The following AGBL4 variants were observed in gnomAD, a reference collection of about 807,000 sequenced individuals.
AGBL4 encodes the protein cytosolic carboxypeptidase 6.
Under a neutral mutation model 66.4 loss-of-function variants are expected in AGBL4, and 58 were observed. That is an observed-to-expected ratio of 0.87 (90% CI 0.71 to 1.09). The LOEUF (loss-of-function observed/expected upper bound fraction) is 1.09, where lower values mean the gene tolerates loss of function less well. Among genes scored for constraint, AGBL4 ranks in the 50% least tolerant of loss-of-function variants. AGBL4 has a pLI of 0.00. For synonymous variants in AGBL4, 234 were observed against 222.9 expected, an observed-to-expected ratio of 1.05 and a Z score of -0.44; for missense variants, 579 against 631.0, an observed-to-expected ratio of 0.92 and a Z score of 0.88.
chr1:49,219,584 G>A (rs1202874699), intron 4 of AGBL4, among the ~76,000 whole-genome samples: 3 of 152,118 alleles, frequency 2.0e-5, no homozygotes, highest in African/African-American at 4.8e-5. Flanking sequence ...GTAGGCAAAG[G>A]ATTCAATACA....
chr1:49,388,572 T>G (rs1202788447), intron 3 of AGBL4, among the ~76,000 whole-genome samples: 2 of 152,152 alleles, frequency 1.3e-5, no homozygotes, highest in Non-Finnish European at 2.9e-5. Context: ...GATCCAGCAC[T>G]CAATACTTCA....
intron 6 of AGBL4, among the ~76,000 whole-genome samples, chr1:48,717,589 ACTTTTTCT>A (rs1442685784): frequency 6.6e-6 from 1 of 151,992 alleles, no homozygotes; most frequent in East Asian, 1.9e-4. Context: ...CCACTTTTCC[ACTTTTTCT>A]ACCATCCTGC....
At chr1:49,164,163 G>C (rs1378224597) in intron 4 of AGBL4, among the ~76,000 whole-genome samples, 1 of 152,100 alleles carries the variant, frequency 6.6e-6, no homozygotes, top group Non-Finnish European at 1.5e-5. Flanking sequence ...ATTATACCTG[G>C]ATGTAAGGGT....
rs748414755 is a variant in AGBL4 at position 49,372,986 on chromosome 1, G to A, written c.283-127122C>T. Among the ~76,000 whole-genome samples, 8 of 151,806 alleles carry A rather than the reference G, an allele frequency of 5.3e-5. No homozygotes were observed. The East Asian group carries it at 7.8e-4, about 15-fold the overall frequency. The stretch of plus-strand genomic sequence containing the variant: ...GTTGCCTAGGCTGGTTTTGAACTCC[G>A]GGGCTCAAGTGATCCTCCTGGGTCA... On this transcript the variant is annotated intron_variant, in intron 3 of 13. Transcript: ENST00000371839.
chr1:49,883,392 A>G (rs1647637595), intron 1 of AGBL4, among the ~76,000 whole-genome samples: 2 of 152,076 alleles, frequency 1.3e-5, no homozygotes, highest in African/African-American at 4.8e-5. Context: ...AGCAAAGATA[A>G]TTATTGCTTC....
At chr1:49,257,213 G>A (rs1352187522) in intron 3 of AGBL4, among the ~76,000 whole-genome samples, 1 of 152,198 alleles carries the variant, frequency 6.6e-6, no homozygotes, top group African/African-American at 2.4e-5. Context: ...GTCAGACAGG[G>A]ACATTTAAGT....
At chr1:48,862,504 G>A (rs1198910579) in intron 6 of AGBL4, among the ~76,000 whole-genome samples, 2 of 151,928 alleles carry the variant, frequency 1.3e-5, no homozygotes, top group Non-Finnish European at 2.9e-5. Flanking sequence ...TGTATTTTTA[G>A]TAGAGACAGG....
intron 2 of AGBL4, among the ~76,000 whole-genome samples, chr1:49,797,857 G>T (rs551831023): frequency 6.6e-6 from 1 of 151,476 alleles, no homozygotes; most frequent in Non-Finnish European, 1.5e-5. Context: ...TCCGCCTCCC[G>T]CGTTCAAGCG....
intron 3 of AGBL4, among the ~76,000 whole-genome samples, chr1:49,491,001 TAA>T (rs1426937858): frequency 6.6e-6 from 1 of 151,686 alleles, no homozygotes; most frequent in Non-Finnish European, 1.5e-5. Flanking sequence ...TAGAGATAGG[TAA>T]AGTTTAATTA....
At chr1:49,676,362 T>G (rs545651147) in intron 3 of AGBL4, among the ~76,000 whole-genome samples, 1 of 152,056 alleles carries the variant, frequency 6.6e-6, no homozygotes, top group Non-Finnish European at 1.5e-5. Context: ...GGTAATTTCA[T>G]GAGGGAATAT....
intron 5 of AGBL4, among the ~76,000 whole-genome samples, chr1:48,890,794 G>A (rs1417209072): frequency 6.6e-6 from 1 of 152,192 alleles, no homozygotes; most frequent in Non-Finnish European, 1.5e-5. Flanking sequence ...ATGGATACTT[G>A]CAGTCTGGCA....
chr1:48,522,579 G>A, the AGBL4 span, among the ~76,000 whole-genome samples: 1 of 152,104 alleles, frequency 6.6e-6, no homozygotes, highest in African/African-American at 2.4e-5. Context: ...GCTCCATGGT[G>A]CCTACTGCAC....
At chr1:49,777,999 G>C (rs957358093) in intron 2 of AGBL4, among the ~76,000 whole-genome samples, 1 of 152,102 alleles carries the variant, frequency 6.6e-6, no homozygotes, top group Non-Finnish European at 1.5e-5. Flanking sequence ...TCTCTCCCCA[G>C]CTCTCATCTA....
intron 1 of AGBL4, among the ~76,000 whole-genome samples, chr1:49,966,402 A>T (rs1657568043): frequency 6.6e-6 from 1 of 152,216 alleles, no homozygotes. Context: ...TTCAAAAATG[A>T]ACATTTTAAT....
chr1:48,689,622 T>C (rs555377132), intron 6 of AGBL4, among the ~76,000 whole-genome samples: 1 of 152,312 alleles, frequency 6.6e-6, no homozygotes, highest in African/African-American at 2.4e-5. Context: ...AATGGGTATA[T>C]CTGCCCATTA....
intron 6 of AGBL4, among the ~76,000 whole-genome samples, chr1:48,795,445 T>C (rs1162143134): frequency 6.6e-6 from 1 of 152,184 alleles, no homozygotes; most frequent in Non-Finnish European, 1.5e-5. Context: ...TCTTTAACTT[T>C]TTATTTTTAG....
chr1:49,123,047 G>T (rs1283404156), intron 4 of AGBL4, among the ~76,000 whole-genome samples: 1 of 152,026 alleles, frequency 6.6e-6, no homozygotes, highest in Non-Finnish European at 1.5e-5. Context: ...TAGAGATAGG[G>T]TTTCACTATG....
At chr1:49,046,126 A>G (rs1644074086) in intron 4 of AGBL4, among the ~76,000 whole-genome samples, 1 of 152,220 alleles carries the variant, frequency 6.6e-6, no homozygotes, top group Non-Finnish European at 1.5e-5. Context: ...ATGTACAATA[A>G]TAAATAAGAC....
At chr1:49,128,142 T>C (rs1005266526) in intron 4 of AGBL4, among the ~76,000 whole-genome samples, 6 of 151,938 alleles carry the variant, frequency 3.9e-5, no homozygotes, top group Admixed American at 1.3e-4. Context: ...CAAATGAAAT[T>C]TCTAGAGATG....
Sources: gnomAD v4.1 joint callset for allele counts (sites outside exome capture counted in the v4.1 genomes callset) on GRCh38, gnomAD v4.1.1 for gene constraint, MANE v1.5 for transcripts, NCBI Gene and HGNC (gene_info 2026-07-23, HGNC 2026-07-21) for gene names.